Variants in AQR observed in about 807,000 individuals in gnomAD.
AQR encodes aquarius intron-binding spliceosomal factor, also known as RNA helicase aquarius.
Under a neutral mutation model 180.5 loss-of-function variants are expected in AQR, and 61 were observed. The observed-to-expected ratio is 0.34, with a 90% CI of 0.28 to 0.42. The LOEUF (loss-of-function observed/expected upper bound fraction) is 0.42. AQR is among the 10% of genes least tolerant of loss of function. The pLI, the probability that AQR is intolerant of heterozygous loss-of-function variation, is 1.00. For missense variants in AQR, 1,281 were observed against 1,798.3 expected (o/e 0.71, Z 5.20); for synonymous variants, 551 against 588.8 (o/e 0.94, Z 0.93).
At chr15:34,932,573 T>C (rs1279343393) in intron 10 of AQR, 139 bp from the exon 11 acceptor site, 3 of 566,790 alleles carry the variant, frequency 5.3e-6, no homozygotes, top group Non-Finnish European at 9.2e-6. Flanking sequence ...CTGTATACAA[T>C]GCAAGAGGTC....
chr15:34,912,542 A>T (rs1242007822), intron 16 of AQR, among the ~76,000 whole-genome samples: 1 of 152,076 alleles, frequency 6.6e-6, no homozygotes, highest in African/African-American at 2.4e-5. Context: ...ACAAGCTATA[A>T]TTTCAAAAAA....
rs1892551619 is a variant in AQR at position 34,854,045 on chromosome 15, A to G, written c.*2747T>C. The G allele has an allele frequency of 6.6e-6, 1 of 151,802 alleles. No individual in the cohort carries two copies. The highest frequency in any genetic ancestry group is 2.4e-5 in the African/African-American group (1 of 41,314). The allele number at this position is 151,802 out of a possible 1,614,324, so 9.4% of individuals were successfully genotyped here. A position where few individuals can be genotyped will look rare whatever the true frequency, so the allele number is the denominator to read the frequency against. On this transcript the variant is annotated 3_prime_UTR_variant, in exon 35 of 35. Coordinates refer to ENST00000156471, the MANE Select transcript of AQR (RefSeq NM_014691.3). ...AGCAAAACATCTCAACTTTTATTAC[A>G]CCAACTTTGGGAGTCTTGATGATGT...
intron 3 of AQR, among the ~76,000 whole-genome samples, chr15:34,959,730 A>G (rs753235690): frequency 3.6e-4 from 55 of 152,178 alleles, no homozygotes; most frequent in Non-Finnish European, 6.9e-4. Context: ...CTCCACCTCT[A>G]TCTTTCTCAA....
intron 2 of AQR, among the ~76,000 whole-genome samples, chr15:34,963,749 C>T (rs1276702095): frequency 4.0e-5 from 6 of 150,728 alleles, no homozygotes; most frequent in South Asian, 2.1e-4. Flanking sequence ...CTGCACGCTC[C>T]GCCTCCCAGG....
At position 34,915,037 on chromosome 15, in the gene AQR, C is replaced by A. The variant is rs1893559635; in HGVS notation, c.1484+1G>T. The A allele has an allele frequency of 6.3e-7, 1 of 1,598,728 alleles. No homozygotes were observed. The highest frequency in any genetic ancestry group is 8.5e-7 in the Non-Finnish European group (1 of 1,175,534). ...ATTACAGGTGGAACCAATTTACTAA[C>A]CATGGCTTCATTCTGCTGACACTAT... On this transcript the variant is annotated splice_donor_variant, in intron 16 of 34. Transcript: ENST00000156471. LOFTEE classifies it high-confidence loss of function.
chr15:34,883,500 A>C (rs1055242858), intron 26 of AQR, among the ~76,000 whole-genome samples: 2 of 152,174 alleles, frequency 1.3e-5, no homozygotes, highest in African/African-American at 4.8e-5. Flanking sequence ...TGTAACCATA[A>C]ACATAATACA....
At chr15:34,957,925 G>A (rs922470631) in intron 3 of AQR, among the ~76,000 whole-genome samples, 5 of 151,922 alleles carry the variant, frequency 3.3e-5, no homozygotes, top group Admixed American at 6.6e-5. Flanking sequence ...ATAACATAGC[G>A]GTGGCCGGGC....
intron 30 of AQR, among the ~76,000 whole-genome samples, chr15:34,872,331 A>G (rs1000322618): frequency 2.0e-5 from 3 of 152,092 alleles, no homozygotes; most frequent in Admixed American, 1.3e-4. Flanking sequence ...AGTGTTTTCA[A>G]CTCTCCAGAA....
At chr15:34,960,727 C>T in intron 3 of AQR, 47 bp downstream of exon 3, 1 of 792,506 alleles carries the variant, frequency 1.3e-6, no homozygotes, top group Middle Eastern at 2.3e-4. Context: ...CAAGATCCAA[C>T]TTGGTCCACC....
chr15:34,966,741 G>A (rs1474438980), intron 1 of AQR, among the ~76,000 whole-genome samples: 1 of 152,150 alleles, frequency 6.6e-6, no homozygotes, highest in East Asian at 1.9e-4. Context: ...GATGTAGTGT[G>A]AGAAAGGAAG....
intron 5 of AQR, among the ~76,000 whole-genome samples, chr15:34,945,081 A>T (rs1269168024): frequency 1.3e-5 from 2 of 152,124 alleles, no homozygotes; most frequent in East Asian, 3.9e-4. Flanking sequence ...TTTGCCTGTT[A>T]TCTAAACCGC....
chr15:34,936,645 G>A (rs1321503987), intron 9 of AQR, among the ~76,000 whole-genome samples: 1 of 151,890 alleles, frequency 6.6e-6, no homozygotes, highest in Non-Finnish European at 1.5e-5. Flanking sequence ...GGACCCAGGA[G>A]GCAGAAGTTG....
chr15:34,963,168 G>A (rs968293227), intron 2 of AQR, among the ~76,000 whole-genome samples: 5 of 151,630 alleles, frequency 3.3e-5, no homozygotes, highest in African/African-American at 1.2e-4. Flanking sequence ...TTTTGTAAAG[G>A]CGAGATCTCA....
chr15:34,912,820 A>G (rs1893520509), intron 16 of AQR, among the ~76,000 whole-genome samples: 1 of 152,216 alleles, frequency 6.6e-6, no homozygotes, highest in African/African-American at 2.4e-5. Flanking sequence ...TGCAGAATAC[A>G]ACATACCTAC....
intron 13 of AQR, 53 bp from the exon 14 acceptor site, chr15:34,920,487 T>C (rs1893667407): frequency 3.8e-6 from 5 of 1,325,116 alleles, no homozygotes; most frequent in Non-Finnish European, 4.2e-6. Context: ...CACTTCACTT[T>C]TGAAACATGT....
chr15:34,940,088 A>G (rs1894000466), intron 8 of AQR, among the ~76,000 whole-genome samples: 1 of 152,242 alleles, frequency 6.6e-6, no homozygotes, highest in South Asian at 2.1e-4. Flanking sequence ...TTGGTCTGGA[A>G]GAGTGTTTAT....
At position 34,948,400 on chromosome 15, in the gene AQR, A is replaced by T; in HGVS notation, c.210-16T>A. On this transcript the variant is annotated splice_polypyrimidine_tract_variant and intron_variant, in intron 4 of 34. Transcript: ENST00000156471. ...AAGATACTGGCTGTAAAGAGTAAAA[A>T]GCATAGAATACTTCATTAGTTACCA... 5 of 1,609,394 alleles carry T rather than the reference A, an allele frequency of 3.1e-6. No individual in the cohort carries two copies. Among genetic ancestry groups the T allele is most frequent in the Non-Finnish European group, 4.2e-6 (5 of 1,179,366 alleles).
intron 3 of AQR, among the ~76,000 whole-genome samples, chr15:34,953,437 A>AG (rs1894263558): frequency 6.6e-6 from 1 of 152,220 alleles, no homozygotes. Context: ...CACTGTCACT[A>AG]GATAATTGTT....
At chr15:34,931,442 T>A (rs995901490) in intron 11 of AQR, among the ~76,000 whole-genome samples, 3 of 152,202 alleles carry the variant, frequency 2.0e-5, no homozygotes, top group Non-Finnish European at 4.4e-5. Flanking sequence ...ACAAAGGGGA[T>A]ATGTAAACAC....
Sources: gnomAD v4.1 joint callset for allele counts (sites outside exome capture counted in the v4.1 genomes callset) on GRCh38, gnomAD v4.1.1 for gene constraint, MANE v1.5 for transcripts, NCBI Gene and HGNC (gene_info 2026-07-23, HGNC 2026-07-21) for gene names.